The following SLCO1B1 variants were observed in gnomAD, a reference collection of about 807,000 sequenced individuals.
SLCO1B1 encodes the protein OATP-2.
Under a neutral mutation model 70.1 loss-of-function variants are expected in SLCO1B1, and 81 were observed. That is an observed-to-expected ratio of 1.16 (90% CI 0.97 to 1.39). The LOEUF is 1.39. Ranked by LOEUF, SLCO1B1 falls within the 40% of genes most tolerant of loss-of-function variation. The pLI is 0.00. For missense variants in SLCO1B1, 895 were observed against 799.6 expected, an observed-to-expected ratio of 1.12 and a Z score of -1.44; for synonymous variants, 283 against 271.5, an observed-to-expected ratio of 1.04 and a Z score of -0.42.
At chr12:21,207,772 C>T (rs1941231116) in intron 11 of SLCO1B1, among the ~76,000 whole-genome samples, 2 of 151,892 alleles carry the variant, frequency 1.3e-5, no homozygotes, top group East Asian at 1.9e-4. Context: ...ATAGGATAAG[C>T]ATTCCCTTTC....
chr12:21,199,956 C>T (rs1452297697), intron 8 of SLCO1B1, among the ~76,000 whole-genome samples: 6 of 151,988 alleles, frequency 3.9e-5, no homozygotes, highest in Non-Finnish European at 7.4e-5. Flanking sequence ...TGTGTGCCAT[C>T]GTGCTGGCCA....
chr12:21,131,879 C>T (rs1032494304), intron 1 of SLCO1B1, among the ~76,000 whole-genome samples: 1 of 151,966 alleles, frequency 6.6e-6, no homozygotes, highest in African/African-American at 2.4e-5. Context: ...GGTACATGTG[C>T]ACAACATGCA....
intron 1 of SLCO1B1, among the ~76,000 whole-genome samples, chr12:21,137,679 G>T (rs376300718): frequency 1.8e-4 from 28 of 152,128 alleles, no homozygotes; most frequent in Admixed American, 1.8e-3. Context: ...TTTTTAAGCC[G>T]GTTGGAAAAG....
chr12:21,199,489 C>T (rs12303713), intron 8 of SLCO1B1, among the ~76,000 whole-genome samples: 2 of 151,998 alleles, frequency 1.3e-5, no homozygotes, highest in African/African-American at 2.4e-5. Context: ...AATATTATCC[C>T]CTGGCTGCTT....
At chr12:21,200,423 T>A in intron 8 of SLCO1B1, 85 bp from the exon 9 acceptor site, 2 of 842,934 alleles carry the variant, frequency 2.4e-6, no homozygotes, top group Non-Finnish European at 3.6e-6. Context: ...TTTTAAATCT[T>A]ACATGACTTA....
intron 1 of SLCO1B1, among the ~76,000 whole-genome samples, chr12:21,140,076 A>G (rs548378032): frequency 6.6e-6 from 1 of 152,256 alleles, no homozygotes; most frequent in African/African-American, 2.4e-5. Context: ...ACAGTTCTAT[A>G]TTGAACAATT....
rs141979092 is a variant in SLCO1B1 at position 21,239,794 on chromosome 12, C to A, written c.*605C>A. Reference sequence around the variant, plus strand: ...AGAAATAAAGACATTCCAATATTTGCAAGCTGTGATTGTCAAACAACATAT... The same window carrying A: ...AGAAATAAAGACATTCCAATATTTGAAAGCTGTGATTGTCAAACAACATAT... On this transcript the variant is annotated 3_prime_UTR_variant, in exon 15 of 15. Coordinates refer to ENST00000256958, the MANE Select transcript of SLCO1B1 (RefSeq NM_006446.5). 6.6e-6 allele frequency among the ~76,000 whole-genome samples: 1 copy of A among 152,236 alleles called. No individual in the cohort carries two copies. Among genetic ancestry groups the A allele is most frequent in the East Asian group, 1.9e-4 (1 of 5,182 alleles).
At chr12:21,208,572 A>G (rs111545706) in intron 11 of SLCO1B1, among the ~76,000 whole-genome samples, 3,055 of 152,010 alleles carry the variant, frequency 0.02, 97 homozygotes, top group African/African-American at 0.07. Context: ...GATGCCTCTC[A>G]CTTTGTTCTT....
At chr12:21,216,663 G>T (rs1422615631) in intron 11 of SLCO1B1, among the ~76,000 whole-genome samples, 5 of 152,034 alleles carry the variant, frequency 3.3e-5, no homozygotes, top group Non-Finnish European at 7.4e-5. Context: ...CCATTTTCAT[G>T]GGTGACTCCA....
intron 1 of SLCO1B1, among the ~76,000 whole-genome samples, chr12:21,139,487 T>C (rs1434703692): frequency 6.6e-6 from 1 of 152,146 alleles, no homozygotes; most frequent in Non-Finnish European, 1.5e-5. Context: ...AGTGATAATA[T>C]CCTGTTTGTT....
chr12:21,220,637 G>T (rs966084729), intron 12 of SLCO1B1, among the ~76,000 whole-genome samples: 1 of 152,018 alleles, frequency 6.6e-6, no homozygotes, highest in African/African-American at 2.4e-5. Context: ...GAGGTTTCAT[G>T]AGAAAAACTA....
intron 14 of SLCO1B1, among the ~76,000 whole-genome samples, chr12:21,235,673 G>T (rs1001240758): frequency 6.6e-6 from 1 of 151,980 alleles, no homozygotes; most frequent in Admixed American, 6.6e-5. Context: ...TTTTATAGTA[G>T]CAAGTATTGG....
In SLCO1B1 at chr12:21,181,041, A is replaced by T. The variant is rs570206437; in HGVS notation, c.727+2021A>T. Among the ~76,000 whole-genome samples the T allele has an allele frequency of 2.6e-5, 4 of 152,218 alleles. No homozygotes were observed. In the East Asian group the frequency reaches 7.7e-4, roughly 29 times the overall value. On this transcript the variant is annotated intron_variant, in intron 7 of 14. Transcript: ENST00000256958. ...TAAATGAGTAAAGAGTGCCAGGAAC[A>T]GGAATTTAGGGTGTGATGGTTAGAA...
chr12:21,214,385 G>A (rs1284063483), intron 11 of SLCO1B1, among the ~76,000 whole-genome samples: 3 of 149,852 alleles, frequency 2.0e-5, no homozygotes, highest in Non-Finnish European at 4.4e-5. Flanking sequence ...GGGGTCAGGG[G>A]TCAGGGACCC....
intron 2 of SLCO1B1, among the ~76,000 whole-genome samples, chr12:21,161,670 T>C (rs138700891): frequency 1.5e-3 from 231 of 151,944 alleles, no homozygotes; most frequent in African/African-American, 5.3e-3. Flanking sequence ...AACATAAAAG[T>C]TAGAAAGAAA....
chr12:21,217,281 T>A lies in SLCO1B1; in HGVS notation c.1660T>A (p.Ser554Thr). 6.2e-7 allele frequency: 1 copy of A among 1,613,702 alleles called. No individual in the cohort carries two copies. The change falls in exon 12 of 15, where the codon TCA (serine) becomes ACA (threonine). Residue 554 changes from serine to threonine, a missense_variant. Coordinates refer to ENST00000256958, the MANE Select transcript of SLCO1B1 (RefSeq NM_006446.5). ...NLFFSALGGT[S>T]HVMLIVKIVQ... The stretch of plus-strand genomic sequence containing the variant: ...ATTTTTCTCTGCACTTGGAGGCACC[T>A]CACATGTCATGCTGATTGTTAAGTA...
chr12:21,208,671 G>A (rs951347329), intron 11 of SLCO1B1, among the ~76,000 whole-genome samples: 18 of 152,016 alleles, frequency 1.2e-4, no homozygotes, highest in African/African-American at 3.9e-4. Flanking sequence ...AAATCATGCC[G>A]GTTGTTTGAT....
intron 7 of SLCO1B1, among the ~76,000 whole-genome samples, chr12:21,181,939 A>T (rs1330310618): frequency 1.3e-5 from 2 of 152,202 alleles, no homozygotes; most frequent in Non-Finnish European, 2.9e-5. Context: ...TTACTACCAT[A>T]AAATATACAC....
chr12:21,139,143 A>T (rs1024985650), intron 1 of SLCO1B1, among the ~76,000 whole-genome samples: 1 of 152,118 alleles, frequency 6.6e-6, no homozygotes, highest in Non-Finnish European at 1.5e-5. Flanking sequence ...CTAAAGGAAG[A>T]CTATCCACCT....
Sources: gnomAD v4.1 joint callset for allele counts (sites outside exome capture counted in the v4.1 genomes callset) on GRCh38, gnomAD v4.1.1 for gene constraint, MANE v1.5 for transcripts, NCBI Gene and HGNC (gene_info 2026-07-23, HGNC 2026-07-21) for gene names.